DCLK2: variants seen among roughly 807,000 people sequenced by gnomAD.
The protein encoded by DCLK2 is doublecortin like kinase 2.
Under a neutral mutation model 78.4 loss-of-function variants are expected in DCLK2, and 31 were observed. That is an observed-to-expected ratio of 0.40 (90% CI 0.30 to 0.53). DCLK2 has a LOEUF of 0.53. DCLK2 is among the 20% of genes least tolerant of loss of function. The pLI is 0.61. For missense variants in DCLK2, 872 were observed against 973.7 expected (o/e 0.90, Z 1.39); for synonymous variants, 407 against 374.9 (o/e 1.09, Z -0.99).
At chr4:150,213,476 A>G (rs1740459172) in intron 5 of DCLK2, among the ~76,000 whole-genome samples, 1 of 152,206 alleles carries the variant, frequency 6.6e-6, no homozygotes, top group Non-Finnish European at 1.5e-5. Flanking sequence ...TACATTCCTA[A>G]TTCAGCATTT....
chr4:150,136,203 G>C (rs1024165510), intron 2 of DCLK2, among the ~76,000 whole-genome samples: 1 of 152,224 alleles, frequency 6.6e-6, no homozygotes, highest in Admixed American at 6.5e-5. Flanking sequence ...TCATAAGACT[G>C]AGAGAGTCAG....
intron 11 of DCLK2, 107 bp from the exon 12 acceptor site, chr4:150,240,292 A>T: frequency 1.1e-6 from 1 of 916,992 alleles, no homozygotes; most frequent in Non-Finnish European, 1.7e-6. Context: ...TGAATAATTT[A>T]ACACTAAAAT....
At chr4:150,087,454 C>G (rs1729727492) in intron 1 of DCLK2, among the ~76,000 whole-genome samples, 1 of 152,058 alleles carries the variant, frequency 6.6e-6, no homozygotes, top group East Asian at 1.9e-4. Context: ...TGTGAGGAGG[C>G]CAAGGAGGTT....
At chr4:150,163,070 G>A (rs115889983) in intron 2 of DCLK2, among the ~76,000 whole-genome samples, 2,000 of 152,068 alleles carry the variant, frequency 0.013, 21 homozygotes, top group Non-Finnish European at 0.02. Context: ...TCTGCAGGGC[G>A]GTACCTAAGC....
At position 150,109,467 on chromosome 4, in the gene DCLK2, T is replaced by C. The variant is rs143170598; in HGVS notation, c.756+6655T>C. Among the ~76,000 whole-genome samples the C allele has an allele frequency of 1.6e-3, 246 of 152,156 alleles. 2 individuals carry two copies. The highest frequency in any genetic ancestry group is 5.5e-3 in the African/African-American group (227 of 41,528). On this transcript the variant is annotated intron_variant, in intron 2 of 15. Coordinates refer to ENST00000296550, the MANE Select transcript of DCLK2 (RefSeq NM_001040260.4). ...CTCCTGCCTCAGCCTTCCGAGTAGCTGAGATTACAGGCACGTGCAACTACA... is the reference window on the plus strand; with the variant it reads ...CTCCTGCCTCAGCCTTCCGAGTAGCCGAGATTACAGGCACGTGCAACTACA...
At chr4:150,147,754 T>C (rs1162785939) in intron 2 of DCLK2, among the ~76,000 whole-genome samples, 2 of 152,224 alleles carry the variant, frequency 1.3e-5, no homozygotes, top group Non-Finnish European at 2.9e-5. Context: ...AGATGTACAA[T>C]CCACTGTATA....
chr4:150,207,197 A>G (rs556297524), intron 5 of DCLK2, among the ~76,000 whole-genome samples: 2 of 152,264 alleles, frequency 1.3e-5, no homozygotes, highest in Non-Finnish European at 2.9e-5. Flanking sequence ...GAATTGATAA[A>G]AGCAAGCAAA....
At chr4:150,106,245 T>G (rs759508289) in intron 2 of DCLK2, among the ~76,000 whole-genome samples, 2 of 152,210 alleles carry the variant, frequency 1.3e-5, no homozygotes, top group Non-Finnish European at 2.9e-5. Context: ...TCTTCAAAAC[T>G]TCAAGTCTGT....
chr4:150,157,973 G>C (rs1478465568), intron 2 of DCLK2, among the ~76,000 whole-genome samples: 1 of 152,208 alleles, frequency 6.6e-6, no homozygotes, highest in Non-Finnish European at 1.5e-5. Flanking sequence ...AGTAAGGGTT[G>C]AACTTTGGAG....
intron 2 of DCLK2, among the ~76,000 whole-genome samples, chr4:150,147,970 G>T (rs1194348782): frequency 6.6e-6 from 1 of 152,164 alleles, no homozygotes; most frequent in African/African-American, 2.4e-5. Context: ...CTATGATAGC[G>T]TTAAAAAGTT....
At chr4:150,250,508 C>G (rs1237290734) in intron 15 of DCLK2, among the ~76,000 whole-genome samples, 1 of 152,022 alleles carries the variant, frequency 6.6e-6, no homozygotes. Flanking sequence ...GTTCTCCCCA[C>G]ACACTCCCAG....
At chr4:150,226,111 T>G (rs1222904099) in intron 8 of DCLK2, among the ~76,000 whole-genome samples, 1 of 152,212 alleles carries the variant, frequency 6.6e-6, no homozygotes, top group Admixed American at 6.5e-5. Flanking sequence ...TTCATTGGAC[T>G]TCTACAAAAT....
intron 8 of DCLK2, among the ~76,000 whole-genome samples, chr4:150,229,913 G>T (rs1352989175): frequency 1.3e-5 from 2 of 152,122 alleles, no homozygotes. Context: ...TTAGTCTAGA[G>T]AGCATTTTTT....
At chr4:150,130,506 A>G (rs999185416) in intron 2 of DCLK2, among the ~76,000 whole-genome samples, 1 of 152,142 alleles carries the variant, frequency 6.6e-6, no homozygotes, top group Non-Finnish European at 1.5e-5. Context: ...AAAAGCAAGT[A>G]CAAAGATGGT....
chr4:150,094,876 G>C (rs1423979469), intron 1 of DCLK2, among the ~76,000 whole-genome samples: 4 of 152,138 alleles, frequency 2.6e-5, no homozygotes, highest in Admixed American at 2.6e-4. Context: ...AGAGTCATTT[G>C]TGAAATCAAA....
intron 2 of DCLK2, among the ~76,000 whole-genome samples, chr4:150,162,237 G>T (rs1019278419): frequency 6.6e-6 from 1 of 152,006 alleles, no homozygotes; most frequent in Non-Finnish European, 1.5e-5. Context: ...TTGCTATGTT[G>T]CCCAGGCTGG....
rs1744581739 is a variant in DCLK2, at chr4:150,256,523, AGTTT to A, written c.*280_*283del. 2 of 419,656 alleles carry A rather than the reference AGTTT, an allele frequency of 4.8e-6. No homozygotes were observed. Among genetic ancestry groups the A allele is most frequent in the East Asian group, 7.8e-5 (2 of 25,716 alleles). 26.0% of individuals were successfully genotyped at this position (419,656 alleles called of 1,614,324 possible). A position where few individuals can be genotyped will look rare whatever the true frequency, so the allele number is the denominator to read the frequency against. On this transcript the variant is annotated 3_prime_UTR_variant, in exon 16 of 16. Coordinates refer to ENST00000296550, the MANE Select transcript of DCLK2 (RefSeq NM_001040260.4). Reference sequence around the variant, plus strand: ...CGTTCCAGATCATCCCGTCATTTTCAGTTTGTTGGACATTTTACAGCTTCACCAG... The same window carrying A: ...CGTTCCAGATCATCCCGTCATTTTCAGTTGGACATTTTACAGCTTCACCAG...
At chr4:150,088,498 G>A (rs1417743259) in intron 1 of DCLK2, among the ~76,000 whole-genome samples, 1 of 150,028 alleles carries the variant, frequency 6.7e-6, no homozygotes, top group Non-Finnish European at 1.5e-5. Flanking sequence ...TTTATAACTA[G>A]AGACAGAGTC....
Position 150,130,283 on chromosome 4 carries a change from G to A in DCLK2, c.756+27471G>A, listed in dbSNP as rs533144932. On this transcript the variant is annotated intron_variant, in intron 2 of 15. Transcript: ENST00000296550. ...AGGAAATCTAAAACACATAATGAGA[G>A]AAGTGACAAAAGGCTCGTGGATACT... Among the ~76,000 whole-genome samples the A allele has an allele frequency of 8.5e-5, 13 of 152,150 alleles. No homozygotes were observed. In the South Asian group the frequency reaches 2.1e-3, roughly 24 times the overall value.
Sources: gnomAD v4.1 joint callset for allele counts (sites outside exome capture counted in the v4.1 genomes callset) on GRCh38, gnomAD v4.1.1 for gene constraint, MANE v1.5 for transcripts, NCBI Gene and HGNC (gene_info 2026-07-23, HGNC 2026-07-21) for gene names.